The following RBL2 variants were observed in gnomAD, a reference collection of about 807,000 sequenced individuals.
The protein encoded by RBL2 is RB transcriptional corepressor like 2, also known as retinoblastoma-like protein 2.
In RBL2, 56 loss-of-function variants were observed where a neutral mutation model predicts 126.0. The observed-to-expected ratio is 0.44, with a 90% confidence interval of 0.36 to 0.56. The LOEUF is 0.56. RBL2 is among the 20% of genes least tolerant of loss of function. The pLI, the probability that RBL2 is intolerant of heterozygous loss-of-function variation, is 0.00. For synonymous variants in RBL2, 454 were observed against 478.5 expected, an observed-to-expected ratio of 0.95 and a Z score of 0.67; for missense variants, 1,229 against 1,398.2, an observed-to-expected ratio of 0.88 and a Z score of 1.93.
intron 4 of RBL2, 79 bp downstream of exon 4, chr16:53,447,185 T>G: frequency 1.3e-6 from 1 of 782,604 alleles, no homozygotes. Flanking sequence ...ACTTCTAATA[T>G]GTATCAGGAA....
At position 53,490,447 on chromosome 16, in the gene RBL2, T is replaced by G. The variant is rs1340350886; in HGVS notation, c.*147T>G. The G allele has an allele frequency of 5.2e-6, 3 of 572,402 alleles. No homozygotes were observed. The highest frequency in any genetic ancestry group is 8.5e-6 in the Non-Finnish European group (3 of 354,532). 35.5% of individuals were successfully genotyped at this position (572,402 alleles called of 1,614,324 possible). On this transcript the variant is annotated 3_prime_UTR_variant, in exon 22 of 22. Transcript: ENST00000262133. ...GGGACATTTTGGTGAGAAATGGGACTTAACTCCTTCCAGTGTCCTTAGAAC... is the reference window on the plus strand; with the variant it reads ...GGGACATTTTGGTGAGAAATGGGACGTAACTCCTTCCAGTGTCCTTAGAAC...
In RBL2 at chr16:53,439,162, T is replaced by C; in HGVS notation, c.371+16T>C. 6.4e-7 allele frequency: 1 copy of C among 1,567,042 alleles called. No homozygotes were observed. Among genetic ancestry groups the C allele is most frequent in the Non-Finnish European group, 8.6e-7 (1 of 1,159,090 alleles). ...CAGAGCAGAGGTAACTATGTTAGAG[T>C]TTGACAAGTAGAGTATGGCTAATGT... On this transcript the variant is annotated intron_variant, in intron 2 of 21. Coordinates refer to ENST00000262133, the MANE Select transcript of RBL2 (RefSeq NM_005611.4).
intron 3 of RBL2, among the ~76,000 whole-genome samples, chr16:53,445,602 C>G (rs1031770577): frequency 6.6e-6 from 1 of 152,156 alleles, no homozygotes; most frequent in Admixed American, 6.5e-5. Context: ...GCGTGGAGTT[C>G]TTATTGAAAC....
intron 5 of RBL2, among the ~76,000 whole-genome samples, chr16:53,452,084 A>T (rs1295841155): frequency 6.6e-6 from 1 of 152,216 alleles, no homozygotes; most frequent in East Asian, 1.9e-4. Context: ...AGGAGAAGGC[A>T]TTTAGAAACT....
chr16:53,480,829 A>G, intron 20 of RBL2, 60 bp downstream of exon 20: 1 of 1,506,818 alleles, frequency 6.6e-7, no homozygotes, highest in Non-Finnish European at 9.1e-7. Flanking sequence ...GGAATCATTT[A>G]TGATTTATAT....
intron 21 of RBL2, among the ~76,000 whole-genome samples, chr16:53,482,329 C>T (rs1201310536): frequency 2.0e-5 from 3 of 152,162 alleles, no homozygotes; most frequent in Non-Finnish European, 2.9e-5. Flanking sequence ...TTGAGTCAGG[C>T]CTTAATGTTG....
At position 53,479,876 on chromosome 16, in the gene RBL2, T is replaced by TG. The variant is rs1244635018; in HGVS notation, c.2776-10_2776-9insG. 6.5e-7 allele frequency: 1 copy of TG among 1,546,270 alleles called. No individual in the cohort carries two copies. The highest frequency in any genetic ancestry group is 1.2e-5 in the South Asian group (1 of 86,102). On this transcript the variant is annotated splice_polypyrimidine_tract_variant and intron_variant, in intron 18 of 21. Transcript: ENST00000262133. ...CTAGTTTATGTCCCCTTCTCATTGT[T>TG]TCTCTAAAGGTGTATAGAAGTGTTT...
chr16:53,483,737 A>G (rs771759554), intron 21 of RBL2, among the ~76,000 whole-genome samples: 1 of 152,032 alleles, frequency 6.6e-6, no homozygotes, highest in Non-Finnish European at 1.5e-5. Context: ...CTAAAAGTAC[A>G]AAAAAATTAG....
chr16:53,435,615 G>A, intron 1 of RBL2: 1 of 1,273,760 alleles, frequency 7.9e-7, no homozygotes, highest in Non-Finnish European at 1.0e-6. Context: ...CGGAAGTACG[G>A]ATTGTTTATC....
intron 8 of RBL2, 39 bp downstream of exon 8, chr16:53,454,881 C>T: frequency 6.7e-7 from 1 of 1,483,552 alleles, no homozygotes; most frequent in Non-Finnish European, 9.0e-7. Flanking sequence ...AATACAGGAG[C>T]AGGTAAGCCA....
In RBL2 at chr16:53,480,769, T is replaced by C; in HGVS notation, c.3084T>C (p.Asn1028=). ...KTFAMKYSQA[N]MDAPPLSPYP... is the part of the protein sequence containing the mutation. ...TTGCCATGAAGTACTCACAGGCAAA[T>C]GTAAGTATGACAGGGATTATTTCAT... Residue 1028 remains asparagine (N), a splice_region_variant and synonymous_variant, in exon 20 of 22, where the codon AAT becomes AAC. Transcript: ENST00000262133. 1 of 1,609,758 alleles carries C rather than the reference T, an allele frequency of 6.2e-7. No homozygotes were observed. The highest frequency in any genetic ancestry group is 8.5e-7 in the Non-Finnish European group (1 of 1,177,530).
At position 53,462,594 on chromosome 16, in the gene RBL2, A is replaced by T. The variant is rs577811022; in HGVS notation, c.1499A>T (p.Tyr500Phe). 1 of 1,566,436 alleles carries T rather than the reference A, an allele frequency of 6.4e-7. No individual in the cohort carries two copies. The highest frequency in any genetic ancestry group is 8.6e-7 in the Non-Finnish European group (1 of 1,165,580). Residue 500 changes from tyrosine (Y) to phenylalanine (F), a missense_variant, in exon 11 of 22, where the codon TAT becomes TTT. Tyr to Phe is a conservative substitution (Grantham distance 22). Transcript: ENST00000262133. ...KHFRFAEMLY[Y>F]KVLESVIEQE... ...TTTCGTTTTGCGGAGATGCTTTACTATAAAGTATTAGAATCTGTTATTGAG... is the reference window on the plus strand; with the variant it reads ...TTTCGTTTTGCGGAGATGCTTTACTTTAAAGTATTAGAATCTGTTATTGAG...
chr16:53,485,295 T>G (rs1961121434), intron 21 of RBL2, among the ~76,000 whole-genome samples: 1 of 152,206 alleles, frequency 6.6e-6, no homozygotes, highest in Non-Finnish European at 1.5e-5. Flanking sequence ...TCTTGGAACC[T>G]AAATTATATA....
At position 53,453,777 on chromosome 16, in the gene RBL2, C is replaced by G. The variant is rs768402421; in HGVS notation, c.992+8C>G. Reference sequence around the variant, plus strand: ...GAACTTTGGAGAGAGTTTGTGAGTACTTCTGTATAAAATGTTTTAATATTT... The same window carrying G: ...GAACTTTGGAGAGAGTTTGTGAGTAGTTCTGTATAAAATGTTTTAATATTT... On this transcript the variant is annotated splice_region_variant and intron_variant, in intron 7 of 21. Coordinates refer to ENST00000262133, the MANE Select transcript of RBL2 (RefSeq NM_005611.4). 4 of 1,576,564 alleles carry G rather than the reference C, an allele frequency of 2.5e-6. No homozygotes were observed. In the South Asian group the frequency reaches 4.6e-5, roughly 18 times the overall value.
intron 4 of RBL2, among the ~76,000 whole-genome samples, chr16:53,451,407 G>A (rs1303274072): frequency 6.6e-6 from 1 of 152,064 alleles, no homozygotes; most frequent in African/African-American, 2.4e-5. Flanking sequence ...CCAGGAGGCT[G>A]AGACAGGAAG....
At position 53,462,668 on chromosome 16, in the gene RBL2, A is replaced by T; in HGVS notation, c.1560+13A>T. The T allele has an allele frequency of 6.9e-7, 1 of 1,451,710 alleles. No homozygotes were observed. The highest frequency in any genetic ancestry group is 2.4e-5 in the East Asian group (1 of 42,488). 89.9% of individuals were successfully genotyped at this position (1,451,710 alleles called of 1,614,324 possible). Reference sequence around the variant, plus strand: ...CATGGATTTATCTGTGAGTAAAATAACCAATGTATTGATCAGCGCAATGAA... The same window carrying T: ...CATGGATTTATCTGTGAGTAAAATATCCAATGTATTGATCAGCGCAATGAA... On this transcript the variant is annotated intron_variant, in intron 11 of 21. Coordinates refer to ENST00000262133, the MANE Select transcript of RBL2 (RefSeq NM_005611.4).
intron 20 of RBL2, chr16:53,481,148 G>C (rs1286845877): frequency 2.2e-5 from 4 of 179,136 alleles, no homozygotes; most frequent in East Asian, 3.3e-4. Flanking sequence ...GACAGAACAA[G>C]ACTCTGTCTC....
At position 53,477,036 on chromosome 16, in the gene RBL2, C is replaced by T. The variant is rs114346685; in HGVS notation, c.2704-2118C>T. On this transcript the variant is annotated intron_variant, in intron 17 of 21. Coordinates refer to ENST00000262133, the MANE Select transcript of RBL2 (RefSeq NM_005611.4). ...AATATTTTCTAAAGTAGCATTTTAA[C>T]GTCAGTACTTTGGTTTCATTTTGTG... Among the ~76,000 whole-genome samples, 1,024 of 146,676 alleles carry T rather than the reference C, an allele frequency of 7.0e-3. 12 individuals carry two copies. Among genetic ancestry groups the T allele is most frequent in the African/African-American group, 0.023 (890 of 39,226 alleles).
At position 53,470,511 on chromosome 16, in the gene RBL2, C is replaced by G. The variant is rs774584614; in HGVS notation, c.2374C>G (p.Gln792Glu). 1 of 1,614,144 alleles carries G rather than the reference C, an allele frequency of 6.2e-7. No individual in the cohort carries two copies. Among genetic ancestry groups the G allele is most frequent in the East Asian group, 2.2e-5 (1 of 44,874 alleles). ...AQALAGSLSS[Q>E]QVTGTTLQVP... ...GGCCCTGGCTGGAAGTCTGAGCTCT[C>G]AACAGGTGACAGGAACAACTTTGCA... The change falls in exon 16 of 22, where the codon CAA becomes GAA. Residue 792 changes from glutamine to glutamate, a missense_variant. Coordinates refer to ENST00000262133, the MANE Select transcript of RBL2 (RefSeq NM_005611.4).
Sources: gnomAD v4.1 joint callset for allele counts (sites outside exome capture counted in the v4.1 genomes callset) on GRCh38, gnomAD v4.1.1 for gene constraint, MANE v1.5 for transcripts, NCBI Gene and HGNC (gene_info 2026-07-23, HGNC 2026-07-21) for gene names.